ASPRV1: variants seen among roughly 807,000 people sequenced by gnomAD.
The protein encoded by ASPRV1 is retroviral-like aspartic protease 1.
Under a neutral mutation model 11.0 loss-of-function variants are expected in ASPRV1, and 7 were observed. The observed-to-expected ratio is 0.64, with a 90% confidence interval of 0.36 to 1.20. The LOEUF (loss-of-function observed/expected upper bound fraction) is 1.20, where lower values mean the gene tolerates loss of function less well. Ranked by LOEUF, ASPRV1 falls within the 50% of genes most tolerant of loss-of-function variation. The pLI, the probability that ASPRV1 is intolerant of heterozygous loss-of-function variation, is 0.02. For synonymous variants in ASPRV1, 136 were observed against 138.4 expected, an observed-to-expected ratio of 0.98 and a Z score of 0.12; for missense variants, 299 against 320.0, an observed-to-expected ratio of 0.93 and a Z score of 0.50.
the ASPRV1 span, among the ~76,000 whole-genome samples, chr2:70,040,179 T>C: frequency 6.6e-6 from 1 of 152,080 alleles, no homozygotes; most frequent in Non-Finnish European, 1.5e-5. Context: ...AACCAATAAA[T>C]ATAGATGGCA....
chr2:69,952,800 C>T, the ASPRV1 span, among the ~76,000 whole-genome samples: 13 of 152,126 alleles, frequency 8.5e-5, no homozygotes, highest in Admixed American at 7.9e-4. Flanking sequence ...ATGTGACAAC[C>T]AAAAATGTCC....
At chr2:70,027,811 G>C in the ASPRV1 span, among the ~76,000 whole-genome samples, 2 of 152,190 alleles carry the variant, frequency 1.3e-5, no homozygotes, top group Non-Finnish European at 2.9e-5. Context: ...AATCTGTCAT[G>C]TTTCAAAATA....
chr2:70,074,746 C>G, the ASPRV1 span, among the ~76,000 whole-genome samples: 1 of 151,778 alleles, frequency 6.6e-6, no homozygotes, highest in Non-Finnish European at 1.5e-5. Flanking sequence ...CCCTACTACT[C>G]TTATACCACA....
chr2:69,958,713 T>G (rs926126316), downstream of ASPRV1, among the ~76,000 whole-genome samples: 1 of 152,092 alleles, frequency 6.6e-6, no homozygotes, highest in African/African-American at 2.4e-5. Context: ...GAGAGCAGCA[T>G]GCGTTAGGCC....
At chr2:69,974,925 AC>A in the ASPRV1 span, among the ~76,000 whole-genome samples, 1 of 152,200 alleles carries the variant, frequency 6.6e-6, no homozygotes, top group Non-Finnish European at 1.5e-5. Flanking sequence ...TGGCATGTTC[AC>A]ACTCCTGTTA....
chr2:70,057,017 G>A, the ASPRV1 span, among the ~76,000 whole-genome samples: 3 of 151,952 alleles, frequency 2.0e-5, no homozygotes, highest in Non-Finnish European at 2.9e-5. Flanking sequence ...GATTATAGGC[G>A]TGAGCCACCG....
the ASPRV1 span, chr2:69,938,584 T>C: frequency 3.5e-6 from 1 of 284,396 alleles, no homozygotes; most frequent in Non-Finnish European, 6.7e-6. Context: ...GCAATCCCCC[T>C]CTTTGCTCTC....
the ASPRV1 span, chr2:70,049,719 A>G: frequency 6.6e-5 from 10 of 152,348 alleles, no homozygotes; most frequent in African/African-American, 2.2e-4. Flanking sequence ...TGTAGCAGAG[A>G]GACAGCAGTC....
At chr2:69,958,571 C>G (rs1677990621), downstream of ASPRV1, among the ~76,000 whole-genome samples, 1 of 152,198 alleles carries the variant, frequency 6.6e-6, no homozygotes. Context: ...GCTCCCCACC[C>G]ACCCACTTAC....
the ASPRV1 span, among the ~76,000 whole-genome samples, chr2:69,981,098 G>T: frequency 6.6e-6 from 1 of 152,152 alleles, no homozygotes; most frequent in Non-Finnish European, 1.5e-5. Flanking sequence ...AAAATAAAAG[G>T]TCTTTTTTAA....
At chr2:70,048,820 G>A in the ASPRV1 span, 2 of 152,188 alleles carry the variant, frequency 1.3e-5, no homozygotes, top group African/African-American at 4.8e-5. Flanking sequence ...AGTTTCTGGT[G>A]GTTATCAGCA....
chr2:70,042,367 C>G, the ASPRV1 span, among the ~76,000 whole-genome samples: 1 of 152,086 alleles, frequency 6.6e-6, no homozygotes, highest in Non-Finnish European at 1.5e-5. Flanking sequence ...GGACAGAACT[C>G]TACCTACTAA....
At chr2:70,066,972 A>G in the ASPRV1 span, among the ~76,000 whole-genome samples, 3 of 152,190 alleles carry the variant, frequency 2.0e-5, no homozygotes, top group Non-Finnish European at 4.4e-5. Flanking sequence ...TAAGACTGGA[A>G]GCAGTGATGA....
chr2:70,014,796 C>CAA, the ASPRV1 span, among the ~76,000 whole-genome samples: 5,154 of 73,208 alleles, frequency 0.07, 291 homozygotes, highest in Admixed American at 0.19. Context: ...GACCTTGTCT[C>CAA]AAAAAAAAAA....
chr2:70,034,273 T>A, the ASPRV1 span, among the ~76,000 whole-genome samples: 1 of 149,194 alleles, frequency 6.7e-6, no homozygotes, highest in Admixed American at 6.7e-5. Flanking sequence ...CAGGCTGGAG[T>A]GCAATGGCAT....
At chr2:70,084,895 A>G in the ASPRV1 span, among the ~76,000 whole-genome samples, 9 of 152,236 alleles carry the variant, frequency 5.9e-5, no homozygotes, top group Non-Finnish European at 8.8e-5. Context: ...AGTTATATAA[A>G]CTAACATGAA....
chr2:70,002,800 G>C, the ASPRV1 span, among the ~76,000 whole-genome samples: 1 of 152,114 alleles, frequency 6.6e-6, no homozygotes, highest in Non-Finnish European at 1.5e-5. Flanking sequence ...CTTAAACTGG[G>C]GGGCTGATCA....
chr2:69,942,967 G>A, the ASPRV1 span: 4 of 152,254 alleles, frequency 2.6e-5, no homozygotes, highest in Middle Eastern at 3.4e-3. Flanking sequence ...CTGATGTTTT[G>A]TATCACAATT....
the ASPRV1 span, among the ~76,000 whole-genome samples, chr2:69,933,857 A>G: frequency 2.0e-5 from 3 of 152,208 alleles, no homozygotes; most frequent in Admixed American, 1.3e-4. Context: ...CCTATAAGGC[A>G]TTGCATTGTT....
Sources: gnomAD v4.1 joint callset for allele counts (sites outside exome capture counted in the v4.1 genomes callset) on GRCh38, gnomAD v4.1.1 for gene constraint, MANE v1.5 for transcripts, NCBI Gene and HGNC (gene_info 2026-07-23, HGNC 2026-07-21) for gene names.